RDH12: variants seen among roughly 807,000 people sequenced by gnomAD.
The protein encoded by RDH12 is retinol dehydrogenase 12.
RDH12 carries 21 observed loss-of-function variants against 34.0 expected under a neutral mutation model. The observed-to-expected ratio is 0.62, with a 90% CI of 0.44 to 0.89. The LOEUF (loss-of-function observed/expected upper bound fraction) is 0.89, where lower values mean the gene tolerates loss of function less well. Among genes scored for constraint, RDH12 ranks in the 40% least tolerant of loss-of-function variants. The pLI, the probability that RDH12 is intolerant of heterozygous loss-of-function variation, is 0.00. For missense variants in RDH12, 394 were observed against 398.6 expected (o/e 0.99, Z 0.10); for synonymous variants, 198 against 169.9 (o/e 1.17, Z -1.29).
intron 2 of RDH12, among the ~76,000 whole-genome samples, chr14:67,721,818 G>A (rs972678174): frequency 1.3e-5 from 2 of 151,266 alleles, no homozygotes; most frequent in African/African-American, 4.9e-5. Context: ...CATACCCATT[G>A]TACAAGTGAG....
chr14:67,726,205 T>C (rs760286945), intron 6 of RDH12, 50 bp downstream of exon 6: 10 of 1,062,066 alleles, frequency 9.4e-6, no homozygotes, highest in Non-Finnish European at 1.5e-5. Flanking sequence ...CTATCTTTTC[T>C]TTAGGAAGAT....
chr14:67,722,153 C>T (rs529643923), intron 2 of RDH12, among the ~76,000 whole-genome samples: 69 of 152,236 alleles, frequency 4.5e-4, no homozygotes, highest in Admixed American at 9.2e-4. Context: ...GCTCTTCTGA[C>T]GTCTCTCTCC....
chr14:67,704,599 AGT>A (rs2037932629), intron 1 of RDH12, among the ~76,000 whole-genome samples: 1 of 152,182 alleles, frequency 6.6e-6, no homozygotes, highest in African/African-American at 2.4e-5. Context: ...GGTGTCTTAG[AGT>A]GCACTTCCCA....
chr14:67,722,541 CA>C lies in RDH12; in HGVS notation c.-101del, dbSNP rs773321835. On this transcript the variant is annotated 5_prime_UTR_variant, in exon 3 of 9. Transcript: ENST00000551171. The stretch of plus-strand genomic sequence containing the variant: ...AGGACGGAGAGGAGCAGAGAAGCAG[CA>C]GAAGCAGCCAAGAGCTGGAGCCAGA... The C allele has an allele frequency of 1.1e-6, 1 of 939,980 alleles. No individual in the cohort carries two copies. Among genetic ancestry groups the C allele is most frequent in the Non-Finnish European group, 1.8e-6 (1 of 565,408 alleles). 58.2% of individuals were successfully genotyped at this position (939,980 alleles called of 1,614,324 possible). A position where few individuals can be genotyped will look rare whatever the true frequency, so the allele number is the denominator to read the frequency against.
intron 1 of RDH12, among the ~76,000 whole-genome samples, chr14:67,710,341 CT>C (rs1388472893): frequency 6.6e-6 from 1 of 152,080 alleles, no homozygotes; most frequent in African/African-American, 2.4e-5. Flanking sequence ...AAGTTTTAAT[CT>C]TTTTTTCCTA....
At chr14:67,702,469 G>A (rs1280704985) in intron 1 of RDH12, among the ~76,000 whole-genome samples, 5 of 152,132 alleles carry the variant, frequency 3.3e-5, no homozygotes. Context: ...TTTTGGTTTT[G>A]GCTGGGTTCA....
chr14:67,733,930 T>C lies in RDH12; in HGVS notation c.*82T>C, dbSNP rs566194096. 2.9e-6 allele frequency: 3 copies of C among 1,039,108 alleles called. No homozygotes were observed. Among genetic ancestry groups the C allele is most frequent in the Admixed American group, 1.8e-5 (1 of 54,144 alleles). The allele number at this position is 1,039,108 out of a possible 1,614,324, so 64.4% of individuals were successfully genotyped here. On this transcript the variant is annotated 3_prime_UTR_variant, in exon 9 of 9. Coordinates refer to ENST00000551171, the MANE Select transcript of RDH12 (RefSeq NM_152443.3). ...CAAGGAGAAGGCCAACCCTAAAGGA[T>C]TGTCCTCTTGGCCAGCTGGTGCTGC...
chr14:67,726,923 C>T, intron 6 of RDH12, 58 bp from the exon 7 acceptor site: 2 of 1,512,338 alleles, frequency 1.3e-6, no homozygotes, highest in Non-Finnish European at 1.8e-6. Context: ...TTGGCTCCCA[C>T]ATGCTGAGCC....
intron 1 of RDH12, among the ~76,000 whole-genome samples, chr14:67,708,006 A>T (rs1438414715): frequency 6.6e-6 from 1 of 152,226 alleles, no homozygotes; most frequent in Non-Finnish European, 1.5e-5. Flanking sequence ...CAGTTTCTCC[A>T]ATTGTGTCCT....
rs75087663 is a variant in RDH12 at position 67,703,225 on chromosome 14, G to A, written c.-275+1290G>A. Among the ~76,000 whole-genome samples the A allele has an allele frequency of 3.2e-3, 492 of 152,288 alleles. 17 individuals carry two copies. The East Asian group carries it at 0.08, about 25-fold the overall frequency. On this transcript the variant is annotated intron_variant, in intron 1 of 8. Transcript: ENST00000551171. ...TTATTTTTGGAAAAAATTGGGACCT[G>A]TTAGTTCACATGGCTAAATTTTATT...
At chr14:67,733,347 G>T (rs2038310510) in intron 8 of RDH12, among the ~76,000 whole-genome samples, 2 of 152,078 alleles carry the variant, frequency 1.3e-5, no homozygotes, top group South Asian at 4.1e-4. Flanking sequence ...CTGAGATTTG[G>T]CATTTTCTTC....
chr14:67,719,757 T>C (rs1397722144), intron 1 of RDH12, among the ~76,000 whole-genome samples: 1 of 152,242 alleles, frequency 6.6e-6, no homozygotes, highest in African/African-American at 2.4e-5. Flanking sequence ...GAATTACAGA[T>C]GTAAGCCACA....
At chr14:67,712,493 C>CAAAAAAAAAAAAAAA (rs79758974) in intron 1 of RDH12, among the ~76,000 whole-genome samples, 1 of 38,928 alleles carries the variant, frequency 2.6e-5, no homozygotes, top group Non-Finnish European at 7.5e-5. Flanking sequence ...AAAAAACTTG[C>CAAAAAAAAAAAAAAA]AAAAAAAAAA....
rs1319139753 is a variant in RDH12, at chr14:67,729,255, C to G, written c.723C>G (p.Ser241=). The G allele has an allele frequency of 6.2e-7, 1 of 1,609,256 alleles. No homozygotes were observed. Residue 241 remains serine (S), a synonymous_variant, in exon 8 of 9, where the codon TCC becomes TCG. Coordinates refer to ENST00000551171, the MANE Select transcript of RDH12 (RefSeq NM_152443.3). Reference sequence around the variant, plus strand: ...TCCGCTCTGAGCTGGTCCGGCACTCCTCCCTGCTCTGCCTGCTCTGGCGGC... The same window carrying G: ...TCCGCTCTGAGCTGGTCCGGCACTCGTCCCTGCTCTGCCTGCTCTGGCGGC... ...GVVRSELVRH[S]SLLCLLWRLF...
intron 5 of RDH12, among the ~76,000 whole-genome samples, 172 bp downstream of exon 5, chr14:67,725,426 C>T (rs1373341766): frequency 6.6e-6 from 1 of 152,208 alleles, no homozygotes; most frequent in African/African-American, 2.4e-5. Flanking sequence ...GGTAGATAGA[C>T]TGGGCAGGAT....
intron 8 of RDH12, chr14:67,729,825 G>C: frequency 2.1e-6 from 1 of 474,438 alleles, no homozygotes; most frequent in Non-Finnish European, 4.2e-6. Context: ...ACTATCTGTT[G>C]AAATATAGAA....
chr14:67,710,590 T>A (rs970177915), intron 1 of RDH12, among the ~76,000 whole-genome samples: 2 of 152,056 alleles, frequency 1.3e-5, no homozygotes, highest in Non-Finnish European at 2.9e-5. Flanking sequence ...TAAGCTTTCT[T>A]ACAAAAAAAA....
chr14:67,702,024 T>C (rs2037905118), intron 1 of RDH12, 89 bp downstream of exon 1: 2 of 152,124 alleles, frequency 1.3e-5, no homozygotes, highest in Admixed American at 1.3e-4. Flanking sequence ...ACTATGTTGC[T>C]TAGGCTTGTC....
At position 67,726,085 on chromosome 14, in the gene RDH12, G is replaced by A. The variant is rs751219090; in HGVS notation, c.378G>A (p.Ala126=). 41 of 1,613,880 alleles carry A rather than the reference G, an allele frequency of 2.5e-5. No individual in the cohort carries two copies. The highest frequency in any genetic ancestry group is 3.3e-5 in the Admixed American group (2 of 59,998). ...AGCTCCATATTCTGATCAACAATGC[G>A]GGAGTAATGATGTGTCCATATTCCA... ...EKQLHILINN[A]GVMMCPYSKT... The change falls in exon 6 of 9, where the codon GCG becomes GCA. Residue 126 remains alanine (A), a synonymous_variant. Coordinates refer to ENST00000551171, the MANE Select transcript of RDH12 (RefSeq NM_152443.3).
Sources: gnomAD v4.1 joint callset for allele counts (sites outside exome capture counted in the v4.1 genomes callset) on GRCh38, gnomAD v4.1.1 for gene constraint, MANE v1.5 for transcripts, NCBI Gene and HGNC (gene_info 2026-07-23, HGNC 2026-07-21) for gene names.